Variants in SLC2A9 observed in about 807,000 individuals in gnomAD.
SLC2A9 encodes solute carrier family 2, facilitated glucose transporter member 9.
A neutral mutation model predicts 50.6 loss-of-function variants in SLC2A9; 39 were observed. That is an observed-to-expected ratio of 0.77 (90% CI 0.60 to 1.01). SLC2A9 has a LOEUF of 1.01. Ranked by LOEUF, SLC2A9 falls within the 50% of genes least tolerant of loss-of-function variation. The pLI, the probability that SLC2A9 is intolerant of heterozygous loss-of-function variation, is 0.00. For missense variants in SLC2A9, 686 were observed against 677.6 expected, an observed-to-expected ratio of 1.01 and a Z score of -0.14; for synonymous variants, 324 against 276.9, an observed-to-expected ratio of 1.17 and a Z score of -1.69.
In SLC2A9 at chr4:10,018,856, C is replaced by T. The variant is rs2240720; in HGVS notation, c.249+119G>A. On this transcript the variant is annotated intron_variant, in intron 2 of 11. Coordinates refer to ENST00000264784, the MANE Select transcript of SLC2A9 (RefSeq NM_020041.3). ...CCCCGAGTGGGGGCTAATCTCTGTC[C>T]CCGCGGTGTCCCGCGCCGCGAGCGC... 491,516 of 945,350 alleles carry T rather than the reference C, an allele frequency of 0.52. 131,738 individuals carry two copies. The highest frequency in any genetic ancestry group is 0.6 in the South Asian group (39,177 of 65,120). 58.6% of individuals were successfully genotyped at this position (945,350 alleles called of 1,614,324 possible). A position where few individuals can be genotyped will look rare whatever the true frequency, so the allele number is the denominator to read the frequency against.
At chr4:9,944,049 A>G (rs907371437) in intron 5 of SLC2A9, among the ~76,000 whole-genome samples, 8 of 152,218 alleles carry the variant, frequency 5.3e-5, no homozygotes, top group African/African-American at 1.9e-4. Flanking sequence ...AGCACTTCCC[A>G]GGGGTGGTGT....
intron 2 of SLC2A9, among the ~76,000 whole-genome samples, chr4:10,007,892 C>T (rs866483111): frequency 6.6e-6 from 1 of 152,128 alleles, no homozygotes; most frequent in Non-Finnish European, 1.5e-5. Context: ...TAGATGAGGC[C>T]GCCAGAAGGA....
At chr4:10,022,662 A>C (rs1763584569), upstream of SLC2A9, among the ~76,000 whole-genome samples, 1 of 152,262 alleles carries the variant, frequency 6.6e-6, no homozygotes, top group South Asian at 2.1e-4. Flanking sequence ...GGTAGGGCTC[A>C]GTCCACAAAA....
chr4:9,908,794 C>A (rs1001053838), intron 7 of SLC2A9, among the ~76,000 whole-genome samples: 1 of 152,158 alleles, frequency 6.6e-6, no homozygotes, highest in Non-Finnish European at 1.5e-5. Flanking sequence ...AGTTTTCTTG[C>A]AGCCAAGTGT....
chr4:9,870,787 AT>A (rs1366366637), intron 10 of SLC2A9, among the ~76,000 whole-genome samples: 1 of 152,168 alleles, frequency 6.6e-6, no homozygotes, highest in Non-Finnish European at 1.5e-5. Context: ...GTGCCATGAG[AT>A]GTGGCCCAAG....
intron 10 of SLC2A9, among the ~76,000 whole-genome samples, chr4:9,864,519 T>C (rs927710573): frequency 6.6e-6 from 1 of 152,218 alleles, no homozygotes; most frequent in African/African-American, 2.4e-5. Context: ...GTTGGAACTT[T>C]ATTGTCCACC....
At chr4:9,898,900 C>G (rs1368528648) in intron 8 of SLC2A9, among the ~76,000 whole-genome samples, 1 of 152,158 alleles carries the variant, frequency 6.6e-6, no homozygotes, top group Non-Finnish European at 1.5e-5. Context: ...GAGCCGTACT[C>G]CGTTGAGCAA....
In SLC2A9 at chr4:9,818,830, T is replaced by C. The variant is rs145331782; in HGVS notation, n.420+7590A>G. On this transcript the variant is annotated intron_variant and non_coding_transcript_variant, in intron 3 of 3. Coordinates refer to the SLC2A9 transcript ENST00000503280. ...GTGGGATGGGGGCAGGTGAAAAGTA[T>C]ACAGGTCTTGGGCTGGGTGCGGTGG... Among the ~76,000 whole-genome samples, 980 of 152,260 alleles carry C rather than the reference T, an allele frequency of 6.4e-3. 7 individuals are homozygous for C. Among genetic ancestry groups the C allele is most frequent in the Middle Eastern group, 0.027 (8 of 294 alleles).
At chr4:10,010,755 G>T (rs1761628807) in intron 2 of SLC2A9, among the ~76,000 whole-genome samples, 1 of 152,152 alleles carries the variant, frequency 6.6e-6, no homozygotes, top group Non-Finnish European at 1.5e-5. Context: ...CTACCCTTTT[G>T]ATTAGCCCTG....
At chr4:9,989,096 C>T (rs1037024061) in intron 3 of SLC2A9, among the ~76,000 whole-genome samples, 2 of 152,232 alleles carry the variant, frequency 1.3e-5, no homozygotes, top group Non-Finnish European at 2.9e-5. Context: ...GTTTCCACAT[C>T]CCTCACCCTC....
intron 10 of SLC2A9, among the ~76,000 whole-genome samples, chr4:9,840,180 C>T (rs1330003120): frequency 6.6e-6 from 1 of 152,088 alleles, no homozygotes; most frequent in Non-Finnish European, 1.5e-5. Context: ...TAACTACTCC[C>T]TTGGGCCCCA....
intron 3 of SLC2A9, among the ~76,000 whole-genome samples, chr4:9,806,510 A>G (rs1850732): frequency 0.42 from 63,914 of 152,016 alleles, 14,622 homozygotes; most frequent in East Asian, 0.64. Flanking sequence ...AAGGCTGTGA[A>G]ACCCCTGATT....
At chr4:10,010,154 C>T (rs1387878592) in intron 2 of SLC2A9, among the ~76,000 whole-genome samples, 1 of 152,148 alleles carries the variant, frequency 6.6e-6, no homozygotes, top group Non-Finnish European at 1.5e-5. Flanking sequence ...TTGAGTTCAA[C>T]CTTATGGCCA....
chr4:9,936,666 G>A (rs750263663), intron 6 of SLC2A9, among the ~76,000 whole-genome samples: 9 of 152,262 alleles, frequency 5.9e-5, no homozygotes, highest in Middle Eastern at 3.4e-3. Flanking sequence ...GCGGGAAGGC[G>A]CTCGACATGC....
chr4:9,995,761 C>A (rs748796286), intron 3 of SLC2A9: 13 of 152,222 alleles, frequency 8.5e-5, no homozygotes, highest in Admixed American at 1.3e-4. Flanking sequence ...ACATTCCCTG[C>A]AGGTAGAAAC....
At chr4:9,887,667 G>C (rs1736537548) in intron 9 of SLC2A9, 25 bp from the exon 10 acceptor site, 2 of 1,467,154 alleles carry the variant, frequency 1.4e-6, no homozygotes, top group Non-Finnish European at 1.8e-6. Flanking sequence ...GGAGTGGTCA[G>C]GTGAGGAGGT....
intron 2 of SLC2A9, among the ~76,000 whole-genome samples, chr4:10,015,407 G>A (rs528126792): frequency 3.5e-4 from 53 of 152,322 alleles, no homozygotes; most frequent in African/African-American, 1.3e-3. Flanking sequence ...ACCTGGGCAA[G>A]TTGCTTAAAC....
At chr4:9,997,587 C>A (rs1006451364) in intron 2 of SLC2A9, among the ~76,000 whole-genome samples, 2 of 152,148 alleles carry the variant, frequency 1.3e-5, no homozygotes, top group African/African-American at 4.8e-5. Context: ...GTAATCCCAG[C>A]TACTCAGGAG....
chr4:9,802,541 G>A (rs1013607071), intron 3 of SLC2A9, among the ~76,000 whole-genome samples: 2 of 148,834 alleles, frequency 1.3e-5, no homozygotes, highest in Non-Finnish European at 3.0e-5. Flanking sequence ...GCAGTAAAGA[G>A]GTTTTTTTTG....
Sources: allele counts gnomAD v4.1 joint callset (sites outside exome capture counted in the v4.1 genomes callset), GRCh38; gene constraint gnomAD v4.1.1; transcripts MANE v1.5; gene names NCBI Gene and HGNC (gene_info 2026-07-23, HGNC 2026-07-21).